ESR1: variants seen among roughly 807,000 people sequenced by gnomAD.
ESR1 encodes estrogen receptor.
A neutral mutation model predicts 52.7 loss-of-function variants in ESR1; 12 were observed. That is an observed-to-expected ratio of 0.23 (90% confidence interval 0.15 to 0.37). ESR1 has a LOEUF of 0.37. Ranked by LOEUF, ESR1 falls within the 10% of genes least tolerant of loss-of-function variation. The probability of loss-of-function intolerance (pLI) is 1.00; values close to 1 mark genes in which losing one functional copy is unlikely to be tolerated. For synonymous variants in ESR1, 305 were observed against 316.8 expected (o/e 0.96, Z 0.39); for missense variants, 584 against 779.7 (o/e 0.75, Z 2.99).
At chr6:151,699,872 T>C (rs1042355592) in intron 1 of ESR1, among the ~76,000 whole-genome samples, 13 of 152,122 alleles carry the variant, frequency 8.5e-5, no homozygotes, top group Admixed American at 3.3e-4. Flanking sequence ...AATTGAGCAA[T>C]TATCTGAAGT....
At chr6:151,713,072 CT>C (rs1247325420) in intron 2 of ESR1, among the ~76,000 whole-genome samples, 1 of 151,978 alleles carries the variant, frequency 6.6e-6, no homozygotes, top group Admixed American at 6.6e-5. Flanking sequence ...TATTGAAGGC[CT>C]TTTTTTCATC....
chr6:151,826,354 G>A (rs1448162114), intron 1 of ESR1, among the ~76,000 whole-genome samples: 1 of 152,212 alleles, frequency 6.6e-6, no homozygotes, highest in Non-Finnish European at 1.5e-5. Context: ...ATTTTAGGTT[G>A]CTTCTGATTC....
intron 4 of ESR1, among the ~76,000 whole-genome samples, chr6:151,947,267 C>T (rs1019708038): frequency 9.9e-5 from 15 of 151,984 alleles, no homozygotes; most frequent in Non-Finnish European, 2.1e-4. Flanking sequence ...TGCAGTGAGC[C>T]GAGACCCCAC....
chr6:152,072,584 A>T (rs1053305723), intron 6 of ESR1, among the ~76,000 whole-genome samples: 2 of 152,034 alleles, frequency 1.3e-5, no homozygotes, highest in Admixed American at 1.3e-4. Context: ...GATCAAGGAG[A>T]TGTTGGTTCA....
chr6:151,735,293 T>C (rs1475730544), intron 2 of ESR1, among the ~76,000 whole-genome samples: 3 of 152,208 alleles, frequency 2.0e-5, no homozygotes, highest in African/African-American at 7.2e-5. Context: ...TTTTGAAGCA[T>C]TGGAATCCTA....
In ESR1 at chr6:152,098,916, C is replaced by T. The variant is rs2050854857; in HGVS notation, c.1738C>T (p.Gln580Ter). The change falls in exon 8 of 8, where the codon CAA (glutamine) becomes TAA (stop). Residue 580 changes from glutamine to a stop codon, truncating the protein, a stop_gained. Coordinates refer to ENST00000206249, the MANE Select transcript of ESR1 (RefSeq NM_000125.4). LOFTEE classifies it high-confidence loss of function. This position sits in a 1 kb window ranked among gnomAD's most constrained non-coding sequence, Gnocchi z 5.1. ...GGGCTCTACTTCATCGCATTCCTTG[C>T]AAAAGTATTACATCACGGGGGAGGC... The part of the protein sequence containing the change: ...TAGSTSSHSL[Q>*]KYYITGEAEG... 3.1e-6 allele frequency: 5 copies of T among 1,614,234 alleles called. No homozygotes were observed. Among genetic ancestry groups the T allele is most frequent in the Middle Eastern group, 1.6e-4 (1 of 6,062 alleles).
At chr6:151,747,624 T>G (rs920253190) in intron 2 of ESR1, among the ~76,000 whole-genome samples, 5 of 152,174 alleles carry the variant, frequency 3.3e-5, no homozygotes, top group Non-Finnish European at 7.3e-5. Flanking sequence ...AGTACAAAGC[T>G]CAGTGGTTTT....
At chr6:151,668,158 C>A (rs2115233735) in intron 1 of ESR1, among the ~76,000 whole-genome samples, 1 of 152,322 alleles carries the variant, frequency 6.6e-6, no homozygotes, top group South Asian at 2.1e-4. Flanking sequence ...AAGATCAAGG[C>A]ACCAGCAGAT....
chr6:151,947,001 G>C (rs1425432340), intron 4 of ESR1, among the ~76,000 whole-genome samples: 1 of 152,184 alleles, frequency 6.6e-6, no homozygotes, highest in African/African-American at 2.4e-5. Flanking sequence ...GTTTGAGAAT[G>C]ACAATAATAA....
intron 2 of ESR1, among the ~76,000 whole-genome samples, chr6:151,720,564 G>T (rs1781380659): frequency 6.6e-6 from 1 of 152,088 alleles, no homozygotes; most frequent in Non-Finnish European, 1.5e-5. Flanking sequence ...TGGGAAATTT[G>T]TATTAGAAAA....
intron 2 of ESR1, among the ~76,000 whole-genome samples, chr6:151,866,829 T>C (rs1789997434): frequency 6.6e-6 from 1 of 152,190 alleles, no homozygotes; most frequent in African/African-American, 2.4e-5. Flanking sequence ...TTATAATCCT[T>C]TGGGTATATA....
At chr6:151,923,840 T>C (rs1360661291) in intron 3 of ESR1, among the ~76,000 whole-genome samples, 1 of 152,218 alleles carries the variant, frequency 6.6e-6, no homozygotes, top group African/African-American at 2.4e-5. Context: ...ATTCAATTTC[T>C]GCATCATTGT....
intron 4 of ESR1, among the ~76,000 whole-genome samples, chr6:151,985,016 A>G (rs561594785): frequency 6.6e-6 from 1 of 152,090 alleles, no homozygotes. Context: ...TTCCCGTTTC[A>G]TGGAGTTGAT....
chr6:151,915,382 A>G lies in ESR1; in HGVS notation c.761-28791A>G, dbSNP rs546973847. Among the ~76,000 whole-genome samples, 12 of 152,280 alleles carry G rather than the reference A, an allele frequency of 7.9e-5. No individual in the cohort carries two copies. The East Asian group carries it at 1.7e-3, about 22-fold the overall frequency. On this transcript the variant is annotated intron_variant, in intron 3 of 7. Coordinates refer to ENST00000206249, the MANE Select transcript of ESR1 (RefSeq NM_000125.4). ...ATTTTGTAAGCTATGAATAAGGTCT[A>G]TGTTTTCTCTGAAATTATAGCAACA... is the stretch of plus-strand genomic sequence containing the variant.
intron 3 of ESR1, among the ~76,000 whole-genome samples, chr6:151,939,488 T>C (rs1029460228): frequency 4.6e-5 from 7 of 152,186 alleles, no homozygotes; most frequent in African/African-American, 1.7e-4. Context: ...CACCATTCTA[T>C]ATAATTAAGA....
chr6:151,910,850 A>C (rs1299473132), intron 3 of ESR1, among the ~76,000 whole-genome samples: 1 of 152,206 alleles, frequency 6.6e-6, no homozygotes, highest in Non-Finnish European at 1.5e-5. Flanking sequence ...AGCGGTCCCC[A>C]AACTTTTTCT....
chr6:152,040,922 C>A (rs2045738254), intron 5 of ESR1, among the ~76,000 whole-genome samples: 1 of 152,176 alleles, frequency 6.6e-6, no homozygotes, highest in Admixed American at 6.5e-5. Flanking sequence ...CTTGCTTGAG[C>A]CTGATCATGT....
chr6:151,980,548 C>T (rs1195694002), intron 4 of ESR1, among the ~76,000 whole-genome samples: 2 of 152,124 alleles, frequency 1.3e-5, no homozygotes, highest in Non-Finnish European at 2.9e-5. Context: ...AAAAGATACA[C>T]GACTCATTGG....
chr6:152,055,699 G>T (rs2047043363), intron 5 of ESR1, among the ~76,000 whole-genome samples: 1 of 152,048 alleles, frequency 6.6e-6, no homozygotes. Flanking sequence ...ACTAATGACT[G>T]CCAGAGTGTC....
Sources: gnomAD v4.1 joint callset for allele counts (sites outside exome capture counted in the v4.1 genomes callset) on GRCh38, gnomAD v4.1.1 for gene constraint, Gnocchi (gnomAD v3.1) non-coding constraint, MANE v1.5 for transcripts, NCBI Gene and HGNC (gene_info 2026-07-23, HGNC 2026-07-21) for gene names.